Variants in PTCD3 observed in about 807,000 individuals in gnomAD.
The protein encoded by PTCD3 is pentatricopeptide repeat domain 3, also known as small ribosomal subunit protein mS39.
In PTCD3, 89 loss-of-function variants were observed where a neutral mutation model predicts 101.9. That is an observed-to-expected ratio of 0.87 (90% CI 0.74 to 1.04). The LOEUF is 1.04. Ranked by LOEUF, PTCD3 falls within the 50% of genes least tolerant of loss-of-function variation. PTCD3 has a pLI of 0.00. For missense variants in PTCD3, 870 were observed against 828.2 expected (o/e 1.05, Z -0.62); for synonymous variants, 296 against 278.5 (o/e 1.06, Z -0.63).
intron 4 of PTCD3, among the ~76,000 whole-genome samples, chr2:86,115,505 A>G (rs1674161789): frequency 6.6e-6 from 1 of 152,192 alleles, no homozygotes; most frequent in Non-Finnish European, 1.5e-5. Context: ...GGTTTTTGAA[A>G]GGGGTAGCAG....
chr2:86,115,296 C>T (rs545051017), intron 4 of PTCD3, among the ~76,000 whole-genome samples: 1 of 152,250 alleles, frequency 6.6e-6, no homozygotes, highest in South Asian at 2.1e-4. Flanking sequence ...TGGTTATTGT[C>T]GTCTTACAAG....
In PTCD3 at chr2:86,120,322, G is replaced by A. The variant is rs539428715; in HGVS notation, c.539-1157G>A. Among the ~76,000 whole-genome samples the A allele has an allele frequency of 2.0e-5, 3 of 152,266 alleles. No individual in the cohort carries two copies. In the South Asian group the frequency reaches 6.2e-4, roughly 32 times the overall value. Reference sequence around the variant, plus strand: ...TAACAAAGTGAGCTAACATACCAGGGAAAGGATCCTAGAACATTTCATTGT... The same window carrying A: ...TAACAAAGTGAGCTAACATACCAGGAAAAGGATCCTAGAACATTTCATTGT... On this transcript the variant is annotated intron_variant, in intron 7 of 23. Transcript: ENST00000254630.
chr2:86,130,223 C>A (rs563087985), intron 14 of PTCD3, among the ~76,000 whole-genome samples: 1 of 152,260 alleles, frequency 6.6e-6, no homozygotes, highest in East Asian at 1.9e-4. Context: ...TCGCTTGAAC[C>A]CGGGAGGCGG....
intron 3 of PTCD3, 81 bp from the exon 4 acceptor site, chr2:86,111,032 T>C: frequency 7.9e-7 from 1 of 1,265,800 alleles, no homozygotes; most frequent in Admixed American, 1.7e-5. Flanking sequence ...TATTGGCCAG[T>C]ACACTGAGAG....
chr2:86,132,295 A>G (rs1674507358), intron 16 of PTCD3, 23 bp from the exon 17 acceptor site: 3 of 1,415,318 alleles, frequency 2.1e-6, no homozygotes, highest in South Asian at 1.2e-5. Flanking sequence ...TCAGAGTGAT[A>G]CTTACTACTT....
chr2:86,125,661 AG>A, intron 11 of PTCD3, 133 bp from the exon 12 acceptor site: 4 of 1,087,836 alleles, frequency 3.7e-6, no homozygotes, highest in Middle Eastern at 2.0e-4. Flanking sequence ...AGAGATCCAG[AG>A]AGGAGAGTAG....
intron 7 of PTCD3, among the ~76,000 whole-genome samples, chr2:86,121,132 T>C (rs1336148807): frequency 6.6e-6 from 1 of 152,206 alleles, no homozygotes; most frequent in Non-Finnish European, 1.5e-5. Flanking sequence ...GCACCTGGGC[T>C]GGGGGAACTA....
rs1241139315 is a variant in PTCD3 at position 86,125,015 on chromosome 2, G to C, written c.737G>C (p.Arg246Thr). 6.2e-7 allele frequency: 1 copy of C among 1,614,042 alleles called. No individual in the cohort carries two copies. The highest frequency in any genetic ancestry group is 8.5e-7 in the Non-Finnish European group (1 of 1,180,020). Residue 246 changes from arginine to threonine, a missense_variant, in exon 10 of 24, where the codon AGA (arginine) becomes ACA (threonine). Coordinates refer to ENST00000254630, the MANE Select transcript of PTCD3 (RefSeq NM_017952.6). ...VTWRAKNNAERIFSLMPEKNE... is the reference protein window; with the variant it reads ...VTWRAKNNAETIFSLMPEKNE... Reference sequence around the variant, plus strand: ...TCTAGAGCAAAAAACAACGCTGAGAGAATCTTTTCTCTAATGCCAGAGAAA... The same window carrying C: ...TCTAGAGCAAAAAACAACGCTGAGACAATCTTTTCTCTAATGCCAGAGAAA...
At chr2:86,130,532 G>T (rs1674476051) in intron 14 of PTCD3, 116 bp from the exon 15 acceptor site, 2 of 1,473,032 alleles carry the variant, frequency 1.4e-6, no homozygotes, top group African/African-American at 2.8e-5. Context: ...CCAGATCTAT[G>T]CGAGGACTTA....
chr2:86,125,700 G>C, intron 11 of PTCD3, 95 bp from the exon 12 acceptor site: 1 of 1,089,702 alleles, frequency 9.2e-7, no homozygotes, highest in Middle Eastern at 2.0e-4. Context: ...CATGTGATTA[G>C]TCAAGGGACA....
At position 86,121,682 on chromosome 2, in the gene PTCD3, T is replaced by C. The variant is rs1674285000; in HGVS notation, c.654+88T>C. 24 of 782,750 alleles carry C rather than the reference T, an allele frequency of 3.1e-5. No individual in the cohort carries two copies. The South Asian group carries it at 4.1e-4, about 13-fold the overall frequency. 48.5% of individuals were successfully genotyped at this position (782,750 alleles called of 1,614,324 possible). ...AAAAATAAGATGGGTTGTTTTGCCA[T>C]GTGTCAGGGTAGTAGAGATTTGTAC... is the stretch of plus-strand genomic sequence containing the variant. On this transcript the variant is annotated intron_variant, in intron 8 of 23. Coordinates refer to ENST00000254630, the MANE Select transcript of PTCD3 (RefSeq NM_017952.6).
chr2:86,113,667 C>CGTG, intron 4 of PTCD3, among the ~76,000 whole-genome samples: 1 of 151,988 alleles, frequency 6.6e-6, no homozygotes, highest in African/African-American at 2.4e-5. Flanking sequence ...ATTAGCTGAG[C>CGTG]GTGGTAGTAT....
intron 15 of PTCD3, 82 bp from the exon 16 acceptor site, chr2:86,130,996 G>A: frequency 6.9e-7 from 1 of 1,456,744 alleles, no homozygotes; most frequent in Non-Finnish European, 9.4e-7. Flanking sequence ...CAGTTTTGTT[G>A]GCAGGATTTT....
intron 14 of PTCD3, among the ~76,000 whole-genome samples, chr2:86,128,702 G>A (rs1394283290): frequency 1.3e-5 from 2 of 152,208 alleles, no homozygotes; most frequent in African/African-American, 4.8e-5. Context: ...TTTTAGGTCA[G>A]TTCCAGTGGG....
chr2:86,137,652 A>G lies in PTCD3; in HGVS notation c.*93A>G. 6.5e-7 allele frequency: 1 copy of G among 1,545,438 alleles called. No individual in the cohort carries two copies. Among genetic ancestry groups the G allele is most frequent in the African/African-American group, 1.4e-5 (1 of 73,086 alleles). On this transcript the variant is annotated 3_prime_UTR_variant, in exon 24 of 24. Transcript: ENST00000254630. ...ATACCAATATTTAACATTGTTACAA[A>G]GAAGAAAAGATACAGATTTGGTGAA...
chr2:86,132,369 A>C lies in PTCD3; in HGVS notation c.1318A>C (p.Lys440Gln), dbSNP rs1239662296. Residue 440 changes from lysine (K) to glutamine (Q), a missense_variant, in exon 17 of 24, where the codon AAA becomes CAA. Lys to Gln is a moderately conservative substitution (Grantham distance 53). Transcript: ENST00000254630. Reference sequence around the variant, plus strand: ...TGCCTACCAAGTACATGGCCTTTTAAAAACCGGAGACAACTGGAAATTCAT... The same window carrying C: ...TGCCTACCAAGTACATGGCCTTTTACAAACCGGAGACAACTGGAAATTCAT... ...ELAYQVHGLL[K>Q]TGDNWKFIGP... is the part of the protein sequence containing the mutation. 1.2e-6 allele frequency: 2 copies of C among 1,610,400 alleles called. No individual in the cohort carries two copies. The highest frequency in any genetic ancestry group is 2.2e-5 in the South Asian group (2 of 90,942).
intron 14 of PTCD3, among the ~76,000 whole-genome samples, chr2:86,129,906 G>A (rs1674465212): frequency 6.9e-6 from 1 of 145,482 alleles, no homozygotes; most frequent in African/African-American, 2.5e-5. Context: ...TTAGTGCTCA[G>A]TTCATGTTAT....
intron 14 of PTCD3, among the ~76,000 whole-genome samples, chr2:86,129,334 T>G (rs991720711): frequency 6.6e-6 from 1 of 152,292 alleles, no homozygotes; most frequent in African/African-American, 2.4e-5. Flanking sequence ...GGAGCTGTGT[T>G]GGTTTGTCTT....
chr2:86,111,935 G>A (rs1043547376), intron 4 of PTCD3: 4 of 152,046 alleles, frequency 2.6e-5, no homozygotes, highest in African/African-American at 9.7e-5. Context: ...GTAGAGACGG[G>A]GTTTCTCCAT....
Sources: allele counts gnomAD v4.1 joint callset (sites outside exome capture counted in the v4.1 genomes callset), GRCh38; gene constraint gnomAD v4.1.1; transcripts MANE v1.5; gene names NCBI Gene and HGNC (gene_info 2026-07-23, HGNC 2026-07-21).